KCNH6: variants seen among roughly 807,000 people sequenced by gnomAD.
KCNH6 encodes the protein potassium voltage-gated channel subfamily H member 6, also known as voltage-gated inwardly rectifying potassium channel KCNH6.
A neutral mutation model predicts 83.4 loss-of-function variants in KCNH6; 81 were observed. The ratio of observed to expected loss-of-function variants is 0.97; its 90% CI spans 0.81 to 1.17. The LOEUF (loss-of-function observed/expected upper bound fraction) is 1.17. Among genes scored for constraint, KCNH6 ranks in the 50% most tolerant of loss-of-function variants. KCNH6 has a pLI of 0.00. For synonymous variants in KCNH6, 503 were observed against 545.6 expected, an observed-to-expected ratio of 0.92 and a Z score of 1.09; for missense variants, 1,203 against 1,290.5, an observed-to-expected ratio of 0.93 and a Z score of 1.04.
Position 63,544,383 on chromosome 17 carries a change from C to A in KCNH6, c.2368C>A (p.Leu790Ile). ...DCWPLKLGSR[L>I]EQLQAQMNRL... Reference sequence around the variant, plus strand: ...CTGGCCTCTGAAGCTGGGCTCCAGGCTAGAGCAGCTCCAGGCCCAGATGAA... The same window carrying A: ...CTGGCCTCTGAAGCTGGGCTCCAGGATAGAGCAGCTCCAGGCCCAGATGAA... Residue 790 changes from leucine to isoleucine, a missense_variant, in exon 11 of 13, where the codon CTA becomes ATA. Transcript: ENST00000314672. 1 of 1,599,706 alleles carries A rather than the reference C, an allele frequency of 6.3e-7. No individual in the cohort carries two copies. The highest frequency in any genetic ancestry group is 8.5e-7 in the Non-Finnish European group (1 of 1,173,458).
chr17:63,540,419 G>A (rs1228178380), intron 8 of KCNH6, among the ~76,000 whole-genome samples: 2 of 151,636 alleles, frequency 1.3e-5, no homozygotes, highest in African/African-American at 2.4e-5. Flanking sequence ...GTGGCAGAGC[G>A]AGACTCTGTC....
chr17:63,542,827 A>T (rs895224929), intron 9 of KCNH6, among the ~76,000 whole-genome samples: 2 of 152,160 alleles, frequency 1.3e-5, no homozygotes, highest in Non-Finnish European at 2.9e-5. Flanking sequence ...CAAGCTGAAA[A>T]AGGGGGTGCC....
Position 63,543,649 on chromosome 17 carries a change from A to G in KCNH6, c.2222A>G (p.Asp741Gly). 2 of 1,611,340 alleles carry G rather than the reference A, an allele frequency of 1.2e-6. No homozygotes were observed. Among genetic ancestry groups the G allele is most frequent in the Non-Finnish European group, 1.7e-6 (2 of 1,178,248 alleles). Reference protein sequence around the residue: ...SQDHQGFFLSDNQSDAAPPLS... With the variant: ...SQDHQGFFLSGNQSDAAPPLS... Reference sequence around the variant, plus strand: ...GACCACCAAGGTTTCTTTCTCAGTGACAACCAGTCAGGTGAGCAAAGCCAG... The same window carrying G: ...GACCACCAAGGTTTCTTTCTCAGTGGCAACCAGTCAGGTGAGCAAAGCCAG... Residue 741 changes from aspartate (D) to glycine (G), a missense_variant, in exon 10 of 13, where the codon GAC (aspartate) becomes GGC (glycine). Transcript: ENST00000314672.
chr17:63,545,818 T>C lies in KCNH6; in HGVS notation c.2793T>C (p.Pro931=). Residue 931 remains proline (P), a synonymous_variant, in exon 13 of 13, where the codon CCT becomes CCC. Transcript: ENST00000314672. ...LICGPCFSSL[P]EHLGSVPKQL... is the part of the protein sequence containing the mutation. ...GTGGTCCCTGCTTCTCCTCCCTCCC[T>C]GAACACCTTGGCTCTGTTCCCAAGC... 6.2e-7 allele frequency: 1 copy of C among 1,614,148 alleles called. No individual in the cohort carries two copies. Among genetic ancestry groups the C allele is most frequent in the East Asian group, 2.2e-5 (1 of 44,876 alleles).
intron 2 of KCNH6, among the ~76,000 whole-genome samples, chr17:63,529,294 G>GC (rs2147641129): frequency 6.6e-6 from 1 of 152,304 alleles, no homozygotes; most frequent in Non-Finnish European, 1.5e-5. Context: ...GGCCTGCCCT[G>GC]CCCCCACAGG....
chr17:63,524,437 G>C, intron 2 of KCNH6, 68 bp downstream of exon 2: 1 of 1,434,450 alleles, frequency 7.0e-7, no homozygotes, highest in Non-Finnish European at 9.7e-7. Flanking sequence ...AGCCAGGGTG[G>C]CCTTGGGGAA....
chr17:63,545,342 A>G (rs12603614), intron 12 of KCNH6, 78 bp downstream of exon 12: 493,227 of 1,449,400 alleles, frequency 0.34, 86,471 homozygotes, highest in Middle Eastern at 0.43. Flanking sequence ...TTCACAGTGC[A>G]GCATCAGGCC....
intron 2 of KCNH6, among the ~76,000 whole-genome samples, chr17:63,526,477 C>T (rs1037503604): frequency 1.2e-4 from 18 of 151,664 alleles, no homozygotes; most frequent in African/African-American, 3.9e-4. Context: ...CCATCCCAGC[C>T]TCCTGAGTAG....
In KCNH6 at chr17:63,538,401, G is replaced by T; in HGVS notation, c.1702-9G>T. On this transcript the variant is annotated splice_polypyrimidine_tract_variant and intron_variant, in intron 7 of 12. Transcript: ENST00000314672. This position sits in a 1 kb window ranked among gnomAD's most constrained non-coding sequence, Gnocchi z 4.0. ...CGCGTCCCGCTGGACTTGGCCGCCC[G>T]CCTTGCAGGTGCTGAAGGGCTTCCC... The T allele has an allele frequency of 2.5e-6, 4 of 1,591,304 alleles. No individual in the cohort carries two copies. Among genetic ancestry groups the T allele is most frequent in the Non-Finnish European group, 3.4e-6 (4 of 1,170,184 alleles).
chr17:63,535,854 C>T lies in KCNH6; in HGVS notation c.1287C>T (p.Tyr429=). 1 of 1,614,206 alleles carries T rather than the reference C, an allele frequency of 6.2e-7. No homozygotes were observed. Among genetic ancestry groups the T allele is most frequent in the Non-Finnish European group, 8.5e-7 (1 of 1,180,052 alleles). The part of the protein sequence containing the change: ...WYAIGNVERP[Y]LEHKIGWLDS... ...CCATCGGCAATGTGGAGCGGCCCTA[C>T]CTAGAACACAAGATCGGCTGGCTGG... The change falls in exon 6 of 13, where the codon TAC becomes TAT. Residue 429 remains tyrosine, a synonymous_variant. Transcript: ENST00000314672. This position sits in a 1 kb window ranked among gnomAD's most constrained non-coding sequence, Gnocchi z 4.9.
intron 4 of KCNH6, among the ~76,000 whole-genome samples, chr17:63,532,574 G>C (rs1433894518): frequency 2.0e-5 from 3 of 152,186 alleles, no homozygotes; most frequent in Non-Finnish European, 4.4e-5. Flanking sequence ...AGGCCTCAAG[G>C]CTGAGCAGGT....
In KCNH6 at chr17:63,545,193, T is replaced by G. The variant is rs1202102521; in HGVS notation, c.2512T>G (p.Leu838Val). ...LEAPASNDLA[L>V]VPIASETTSP... ...AGCCCCTGCCTCCAATGACCTGGCCTTGGTTCCTATAGCCTCGGAGACGAC... is the reference window on the plus strand; with the variant it reads ...AGCCCCTGCCTCCAATGACCTGGCCGTGGTTCCTATAGCCTCGGAGACGAC... The change falls in exon 12 of 13, where the codon TTG becomes GTG. Residue 838 changes from leucine (L) to valine (V), a missense_variant. Coordinates refer to ENST00000314672, the MANE Select transcript of KCNH6 (RefSeq NM_001278919.2). The G allele has an allele frequency of 6.2e-7, 1 of 1,613,830 alleles. No individual in the cohort carries two copies. The highest frequency in any genetic ancestry group is 1.1e-5 in the South Asian group (1 of 91,088).
In KCNH6 at chr17:63,535,907, G is replaced by A. The variant is rs1370937590; in HGVS notation, c.1340G>A (p.Arg447His). The A allele has an allele frequency of 9.3e-6, 15 of 1,613,920 alleles. No homozygotes were observed. In the African/African-American group the frequency reaches 9.3e-5, roughly 10 times the overall value. ...LDSLGVQLGK[R>H]YNGSDPASGP... The stretch of plus-strand genomic sequence containing the variant: ...AGCCTGGGTGTGCAGCTTGGCAAGC[G>A]CTACAACGGCAGCGACCCAGCCTCG... The change falls in exon 6 of 13, where the codon CGC (arginine) becomes CAC (histidine). Residue 447 changes from arginine to histidine, a missense_variant. Physicochemically the swap from Arg to His is conservative, Grantham distance 29. Transcript: ENST00000314672. The surrounding 1 kb of genome is among the most constrained non-coding windows in gnomAD (Gnocchi z 4.9).
intron 6 of KCNH6, among the ~76,000 whole-genome samples, chr17:63,536,661 T>G (rs995399263): frequency 6.8e-6 from 1 of 147,192 alleles, no homozygotes; most frequent in African/African-American, 2.5e-5. Context: ...AAAAAAAAAT[T>G]ATTAAGAATT....
intron 2 of KCNH6, among the ~76,000 whole-genome samples, chr17:63,526,070 T>A (rs2031691672): frequency 6.6e-6 from 1 of 152,190 alleles, no homozygotes; most frequent in African/African-American, 2.4e-5. Context: ...CTTGGCCCCC[T>A]GAGATCAGGA....
intron 4 of KCNH6, among the ~76,000 whole-genome samples, chr17:63,531,358 G>C (rs546699820): frequency 5.3e-5 from 8 of 152,362 alleles, no homozygotes; most frequent in Non-Finnish European, 8.8e-5. Flanking sequence ...TGGACTAAAT[G>C]GTCTCTGGGG....
At chr17:63,541,962 G>A (rs1307024381) in intron 8 of KCNH6, among the ~76,000 whole-genome samples, 4 of 152,194 alleles carry the variant, frequency 2.6e-5, no homozygotes, top group Non-Finnish European at 4.4e-5. Context: ...GCTACAGGAG[G>A]GAGATTCTGA....
rs2032625249 is a variant in KCNH6 at position 63,538,155 on chromosome 17, G to A, written c.1592G>A (p.Arg531His). 2 of 1,614,142 alleles carry A rather than the reference G, an allele frequency of 1.2e-6. No homozygotes were observed. Among genetic ancestry groups the A allele is most frequent in the South Asian group, 1.1e-5 (1 of 91,084 alleles). Residue 531 changes from arginine to histidine, a missense_variant, in exon 7 of 13, where the codon CGT (arginine) becomes CAT (histidine). Physicochemically the swap from Arg to His is conservative, Grantham distance 29. Transcript: ENST00000314672. The surrounding 1 kb of genome is among the most constrained non-coding windows in gnomAD (Gnocchi z 4.0). ...GCGCGCTACCACACGCAGATGCTGCGTGTCAAGGAGTTCATCCGCTTCCAC... is the reference window on the plus strand; with the variant it reads ...GCGCGCTACCACACGCAGATGCTGCATGTCAAGGAGTTCATCCGCTTCCAC... ...GTARYHTQML[R>H]VKEFIRFHQI...
rs1173866801 is a variant in KCNH6, at chr17:63,533,210, G to T, written c.676-676G>T. On this transcript the variant is annotated intron_variant, in intron 4 of 12. Coordinates refer to ENST00000314672, the MANE Select transcript of KCNH6 (RefSeq NM_001278919.2). The surrounding 1 kb of genome is among the most constrained non-coding windows in gnomAD (Gnocchi z 4.1). Reference sequence around the variant, plus strand: ...CAGTCTTGGAGGCGGGGGCGGGAGGGGAGAAGGGAGAAGGGAAGGCTCTGC... The same window carrying T: ...CAGTCTTGGAGGCGGGGGCGGGAGGTGAGAAGGGAGAAGGGAAGGCTCTGC... Among the ~76,000 whole-genome samples the T allele has an allele frequency of 6.6e-6, 1 of 152,052 alleles. No homozygotes were observed. Among genetic ancestry groups the T allele is most frequent in the Non-Finnish European group, 1.5e-5 (1 of 68,006 alleles).
Sources: allele counts gnomAD v4.1 joint callset (sites outside exome capture counted in the v4.1 genomes callset), GRCh38; gene constraint gnomAD v4.1.1; non-coding constraint Gnocchi (gnomAD v3.1); transcripts MANE v1.5; gene names NCBI Gene and HGNC (gene_info 2026-07-23, HGNC 2026-07-21).